HAPLN1: variants seen among roughly 807,000 people sequenced by gnomAD.
The protein encoded by HAPLN1 is hyaluronan and proteoglycan link protein 1.
HAPLN1 carries 13 observed loss-of-function variants against 36.5 expected under a neutral mutation model. The observed-to-expected ratio is 0.36, with a 90% CI of 0.23 to 0.57. HAPLN1 has a LOEUF of 0.57. Ranked by LOEUF, HAPLN1 falls within the 20% of genes least tolerant of loss-of-function variation. HAPLN1 has a pLI of 0.83. For missense variants in HAPLN1, 407 were observed against 439.7 expected (o/e 0.93, Z 0.66); for synonymous variants, 202 against 169.8 (o/e 1.19, Z -1.48).
chr5:83,719,245 G>T (rs937255633), intron 1 of HAPLN1, among the ~76,000 whole-genome samples: 1 of 152,118 alleles, frequency 6.6e-6, no homozygotes, highest in African/African-American at 2.4e-5. Context: ...CCACCTTCTT[G>T]TTTCTCATAG....
At chr5:83,719,102 G>A (rs1454892067) in intron 1 of HAPLN1, among the ~76,000 whole-genome samples, 3 of 152,170 alleles carry the variant, frequency 2.0e-5, no homozygotes, top group Admixed American at 1.3e-4. Context: ...AACCACTAGG[G>A]ATATAATGAA....
chr5:83,690,212 T>C (rs2112619125), intron 1 of HAPLN1, among the ~76,000 whole-genome samples: 2 of 152,002 alleles, frequency 1.3e-5, no homozygotes, highest in Middle Eastern at 3.4e-3. Flanking sequence ...CTAGACTGTT[T>C]CCCCCCATCA....
intron 4 of HAPLN1, 132 bp downstream of exon 4, chr5:83,644,231 T>C: frequency 1.4e-6 from 1 of 730,588 alleles, no homozygotes; most frequent in Non-Finnish European, 2.0e-6. Flanking sequence ...TATATCTTTT[T>C]AAACTACAGC....
intron 1 of HAPLN1, among the ~76,000 whole-genome samples, chr5:83,719,285 G>T (rs193293970): frequency 6.6e-6 from 1 of 152,166 alleles, no homozygotes; most frequent in Middle Eastern, 3.2e-3. Flanking sequence ...CATTCCTGTC[G>T]AGAATACTGG....
intron 1 of HAPLN1, among the ~76,000 whole-genome samples, chr5:83,715,371 G>A (rs1452645817): frequency 3.3e-5 from 5 of 152,062 alleles, no homozygotes; most frequent in Non-Finnish European, 5.9e-5. Flanking sequence ...CAGGAGTCTC[G>A]GTTTATGAGA....
intron 2 of HAPLN1, among the ~76,000 whole-genome samples, chr5:83,659,313 T>C (rs1186193923): frequency 1.3e-5 from 2 of 152,120 alleles, no homozygotes; most frequent in Non-Finnish European, 2.9e-5. Flanking sequence ...TGGCACATCT[T>C]TGCTTTCACC....
At chr5:83,652,174 A>C (rs914873917) in intron 3 of HAPLN1, 3 of 384,646 alleles carry the variant, frequency 7.8e-6, no homozygotes, top group African/African-American at 6.2e-5. Flanking sequence ...ATGATTTTGA[A>C]TAACATAAGG....
At chr5:83,701,283 T>C (rs886776787) in intron 1 of HAPLN1, among the ~76,000 whole-genome samples, 1 of 152,246 alleles carries the variant, frequency 6.6e-6, no homozygotes, top group Non-Finnish European at 1.5e-5. Context: ...TTCGTGTAGC[T>C]TCACAAGGCA....
At chr5:83,718,159 TTAATGG>T (rs1751953795) in intron 1 of HAPLN1, among the ~76,000 whole-genome samples, 1 of 152,180 alleles carries the variant, frequency 6.6e-6, no homozygotes, top group Non-Finnish European at 1.5e-5. Context: ...AGGCGGAAAG[TTAATGG>T]TAAAGTATCC....
intron 2 of HAPLN1, among the ~76,000 whole-genome samples, chr5:83,667,439 TAG>T (rs1283230821): frequency 1.3e-5 from 2 of 152,124 alleles, no homozygotes; most frequent in Non-Finnish European, 2.9e-5. Context: ...TTATAGCTAT[TAG>T]TTTTTAGACA....
intron 2 of HAPLN1, 135 bp downstream of exon 2, chr5:83,673,289 C>T (rs559160145): frequency 9.8e-6 from 6 of 610,152 alleles, no homozygotes; most frequent in Middle Eastern, 6.8e-4. Context: ...CCAGGGAACA[C>T]GTTCACCAAT....
intron 1 of HAPLN1, among the ~76,000 whole-genome samples, chr5:83,719,619 T>C (rs1477241053): frequency 3.3e-5 from 5 of 152,204 alleles, no homozygotes; most frequent in African/African-American, 4.8e-5. Context: ...ATATAAGAAT[T>C]ATGAATCATA....
intron 3 of HAPLN1, among the ~76,000 whole-genome samples, chr5:83,651,733 G>A (rs1260668880): frequency 1.3e-5 from 2 of 152,082 alleles, no homozygotes; most frequent in Non-Finnish European, 2.9e-5. Context: ...CGAAAAATAA[G>A]GTGTCCTGTG....
intron 2 of HAPLN1, among the ~76,000 whole-genome samples, chr5:83,668,850 G>A (rs1750625138): frequency 6.6e-6 from 1 of 152,194 alleles, no homozygotes; most frequent in African/African-American, 2.4e-5. Flanking sequence ...TTTGAAGAAG[G>A]GGAGGCAGGT....
chr5:83,694,426 A>G (rs1211998638), intron 1 of HAPLN1, among the ~76,000 whole-genome samples: 1 of 151,992 alleles, frequency 6.6e-6, no homozygotes, highest in African/African-American at 2.4e-5. Flanking sequence ...AGAACAAAAA[A>G]ATAATAATAT....
chr5:83,705,322 G>A (rs781692544), intron 1 of HAPLN1, among the ~76,000 whole-genome samples: 4 of 149,182 alleles, frequency 2.7e-5, no homozygotes, highest in African/African-American at 7.5e-5. Context: ...CCTGGGAGGC[G>A]GAGATTTCAG....
chr5:83,675,864 A>C (rs1750848637), intron 1 of HAPLN1, among the ~76,000 whole-genome samples: 1 of 152,238 alleles, frequency 6.6e-6, no homozygotes, highest in African/African-American at 2.4e-5. Flanking sequence ...ACAGACAGTA[A>C]TCTTGCTGGA....
intron 1 of HAPLN1, among the ~76,000 whole-genome samples, chr5:83,677,520 T>C (rs969177459): frequency 6.6e-5 from 10 of 152,336 alleles, no homozygotes; most frequent in African/African-American, 2.4e-4. Flanking sequence ...CAAGACCTTT[T>C]CATTGTGGTG....
chr5:83,680,372 G>A (rs1307301900), intron 1 of HAPLN1, among the ~76,000 whole-genome samples: 1 of 152,144 alleles, frequency 6.6e-6, no homozygotes, highest in African/African-American at 2.4e-5. Flanking sequence ...TATGGGGAAA[G>A]CAGTACATAT....
Sources: allele counts gnomAD v4.1 joint callset (sites outside exome capture counted in the v4.1 genomes callset), GRCh38; gene constraint gnomAD v4.1.1; transcripts MANE v1.5; gene names NCBI Gene and HGNC (gene_info 2026-07-23, HGNC 2026-07-21).